BRIP1: variants seen among roughly 807,000 people sequenced by gnomAD.
The protein encoded by BRIP1 is BRCA1 interacting DNA helicase 1.
Under a neutral mutation model 119.7 loss-of-function variants are expected in BRIP1, and 88 were observed. That is an observed-to-expected ratio of 0.74 (90% CI 0.62 to 0.88). The LOEUF (loss-of-function observed/expected upper bound fraction) is 0.88, where lower values mean the gene tolerates loss of function less well. BRIP1 is among the 40% of genes least tolerant of loss of function. The pLI is 0.00. For synonymous variants in BRIP1, 443 were observed against 496.5 expected, an observed-to-expected ratio of 0.89 and a Z score of 1.43; for missense variants, 1,259 against 1,455.4, an observed-to-expected ratio of 0.87 and a Z score of 2.20.
rs566674578 is a variant in BRIP1, at chr17:61,681,621, C to T, written c.*1675G>A. Reference sequence around the variant, plus strand: ...CCCTTTCAAAACAATGTAAAAATTACCTTCTAATCGAGTATTTGGTATTTA... The same window carrying T: ...CCCTTTCAAAACAATGTAAAAATTATCTTCTAATCGAGTATTTGGTATTTA... On this transcript the variant is annotated 3_prime_UTR_variant, in exon 20 of 20. Transcript: ENST00000259008. This position sits in a 1 kb window ranked among gnomAD's most constrained non-coding sequence, Gnocchi z 5.1. 4 of 199,658 alleles carry T rather than the reference C, an allele frequency of 2.0e-5. No individual in the cohort carries two copies. The highest frequency in any genetic ancestry group is 9.2e-5 in the African/African-American group (4 of 43,546). The allele number at this position is 199,658 out of a possible 1,614,324, so 12.4% of individuals were successfully genotyped here. A position where few individuals can be genotyped will look rare whatever the true frequency, so the allele number is the denominator to read the frequency against.
chr17:61,688,025 T>C (rs1295224170), intron 18 of BRIP1, among the ~76,000 whole-genome samples: 1 of 152,170 alleles, frequency 6.6e-6, no homozygotes, highest in African/African-American at 2.4e-5. Flanking sequence ...GAGGCCCATA[T>C]AGTTTGATGG....
rs2078837163 is a variant in BRIP1, at chr17:61,852,557, A to T, written c.380-3301T>A. The stretch of plus-strand genomic sequence containing the variant: ...GTGGCAGGTGCCTGTAATCCCAGCT[A>T]CTCAGGAGGTTGAAGCAGGAGAATT... On this transcript the variant is annotated intron_variant, in intron 4 of 19. Coordinates refer to ENST00000259008, the MANE Select transcript of BRIP1 (RefSeq NM_032043.3). This position sits in a 1 kb window ranked among gnomAD's most constrained non-coding sequence, Gnocchi z 4.9. Among the ~76,000 whole-genome samples, 1 of 152,130 alleles carries T rather than the reference A, an allele frequency of 6.6e-6. No individual in the cohort carries two copies.
Position 61,681,776 on chromosome 17 carries a change from T to C in BRIP1, c.*1520A>G, listed in dbSNP as rs2061273701. ...CTTAGAGTTGTAACATCAAATGCTA[T>C]AGAAACAGGCTGTAAAAATCTAAAT... On this transcript the variant is annotated 3_prime_UTR_variant, in exon 20 of 20. Transcript: ENST00000259008. This position sits in a 1 kb window ranked among gnomAD's most constrained non-coding sequence, Gnocchi z 5.1. The C allele has an allele frequency of 5.1e-6, 1 of 197,978 alleles. No individual in the cohort carries two copies. Among genetic ancestry groups the C allele is most frequent in the South Asian group, 1.9e-4 (1 of 5,194 alleles). 12.3% of individuals were successfully genotyped at this position (197,978 alleles called of 1,614,324 possible). A position where few individuals can be genotyped will look rare whatever the true frequency, so the allele number is the denominator to read the frequency against.
In BRIP1 at chr17:61,793,692, C is replaced by T. The variant is rs1199869583; in HGVS notation, c.1378G>A (p.Asp460Asn). The T allele has an allele frequency of 6.2e-7, 1 of 1,610,428 alleles. No homozygotes were observed. The highest frequency in any genetic ancestry group is 1.7e-5 in the Admixed American group (1 of 59,750). ...EANAEYLVER[D>N]YESACKIWSG... Reference sequence around the variant, plus strand: ...CATATTTTACAAGCTGATTCATAATCTCTTTCTACAAGATATTCAGCGTTT... The same window carrying T: ...CATATTTTACAAGCTGATTCATAATTTCTTTCTACAAGATATTCAGCGTTT... The change falls in exon 10 of 20, where the codon GAT becomes AAT. Residue 460 changes from aspartate to asparagine, a missense_variant. Asp to Asn is a conservative substitution (Grantham distance 23). Transcript: ENST00000259008. The surrounding 1 kb of genome is among the most constrained non-coding windows in gnomAD (Gnocchi z 5.2).
chr17:61,859,762 G>T, intron 3 of BRIP1, 34 bp downstream of exon 3: 2 of 1,358,154 alleles, frequency 1.5e-6, no homozygotes, highest in Non-Finnish European at 2.1e-6. Context: ...TCAGATCCCA[G>T]TAAGTAACCT....
chr17:61,754,701 G>A lies in BRIP1; in HGVS notation c.2098-10110C>T, dbSNP rs2077176671. On this transcript the variant is annotated intron_variant, in intron 14 of 19. Transcript: ENST00000259008. This position sits in a 1 kb window ranked among gnomAD's most constrained non-coding sequence, Gnocchi z 4.1. ...TGGCTATGAAGTCCAAGATAAAGGT[G>A]CCTGTTAACTTGATTTCTGGTTAGG... 6.6e-6 allele frequency among the ~76,000 whole-genome samples: 1 copy of A among 152,158 alleles called. No homozygotes were observed. The highest frequency in any genetic ancestry group is 2.1e-4 in the South Asian group (1 of 4,822).
chr17:61,764,175 C>G (rs1191856627), intron 14 of BRIP1, among the ~76,000 whole-genome samples: 8 of 152,256 alleles, frequency 5.3e-5, no homozygotes, highest in Admixed American at 3.9e-4. Flanking sequence ...TAAAGTGTGT[C>G]AATTGTGCAT....
intron 14 of BRIP1, among the ~76,000 whole-genome samples, chr17:61,772,820 GAAAAAAAA>G (rs71355193): frequency 1.9e-5 from 1 of 53,540 alleles, no homozygotes; most frequent in African/African-American, 8.1e-5. Context: ...TTCCATCTCA[GAAAAAAAA>G]AAAAAAAAAA....
At position 61,847,162 on chromosome 17, in the gene BRIP1, G is replaced by C. The variant is rs1555615763; in HGVS notation, c.566C>G (p.Ser189Ter). Residue 189 changes from serine (S) to a stop codon, truncating the protein, a stop_gained, in exon 6 of 20, where the codon TCA becomes TGA. Coordinates refer to ENST00000259008, the MANE Select transcript of BRIP1 (RefSeq NM_032043.3). LOFTEE classifies it high-confidence loss of function. ...EVHNLDAKVD[S>*]GKTVKLNSPL... ...AGAGTTGAGTTTTACAGTCTTTCCT[G>C]AATCAACTTTTGCATCCAAATTGTG... 6.2e-7 allele frequency: 1 copy of C among 1,613,486 alleles called. No homozygotes were observed. Among genetic ancestry groups the C allele is most frequent in the Non-Finnish European group, 8.5e-7 (1 of 1,179,538 alleles).
chr17:61,752,909 G>A lies in BRIP1; in HGVS notation c.2098-8318C>T, dbSNP rs907845011. ...GTAGGTATATGATTAGCCCAAATAT[G>A]ATTACAGTACCTGCTATGTTTTGAA... On this transcript the variant is annotated intron_variant, in intron 14 of 19. Coordinates refer to ENST00000259008, the MANE Select transcript of BRIP1 (RefSeq NM_032043.3). This position sits in a 1 kb window ranked among gnomAD's most constrained non-coding sequence, Gnocchi z 6.2. 3.9e-5 allele frequency among the ~76,000 whole-genome samples: 6 copies of A among 152,136 alleles called. No individual in the cohort carries two copies. Among genetic ancestry groups the A allele is most frequent in the African/African-American group, 1.4e-4 (6 of 41,426 alleles).
rs776599258 is a variant in BRIP1, at chr17:61,683,576, C to G, written c.3470G>C (p.Arg1157Thr). Residue 1157 changes from arginine (R) to threonine (T), a missense_variant, in exon 20 of 20, where the codon AGA (arginine) becomes ACA (threonine). Arg to Thr is a moderately conservative substitution (Grantham distance 71). This residue lies in a region of BRIP1 where 753 missense variants were observed against 891.8 expected (regional missense o/e 0.84). Transcript: ENST00000259008. The surrounding 1 kb of genome is among the most constrained non-coding windows in gnomAD (Gnocchi z 4.7). The part of the protein sequence containing the change: ...NDLAETDRGN[R>T]LANNSDCILA... ...AATGCAATCTGAATTGTTAGCCAAT[C>G]TATTTCCTCTATCAGTTTCAGCTAG... is the stretch of plus-strand genomic sequence containing the variant. 6.2e-7 allele frequency: 1 copy of G among 1,612,612 alleles called. No homozygotes were observed. Among genetic ancestry groups the G allele is most frequent in the Non-Finnish European group, 8.5e-7 (1 of 1,179,966 alleles).
intron 17 of BRIP1, among the ~76,000 whole-genome samples, chr17:61,697,000 A>T (rs1750652922): frequency 6.7e-6 from 1 of 148,658 alleles, no homozygotes; most frequent in Non-Finnish European, 1.5e-5. Context: ...AAAAAAAAAA[A>T]AAAGGGGGGG....
rs1052148620 is a variant in BRIP1 at position 61,861,045 on chromosome 17, T to A, written c.93+402A>T. ...ACCAGTAAATAAGATATGAAGTACATATGGCAAAATAGCTGTAACAAAACT... is the reference window on the plus strand; with the variant it reads ...ACCAGTAAATAAGATATGAAGTACAAATGGCAAAATAGCTGTAACAAAACT... On this transcript the variant is annotated intron_variant, in intron 2 of 19. Transcript: ENST00000259008. This position sits in a 1 kb window ranked among gnomAD's most constrained non-coding sequence, Gnocchi z 4.5. Among the ~76,000 whole-genome samples the A allele has an allele frequency of 1.3e-5, 2 of 152,174 alleles. No individual in the cohort carries two copies. Among genetic ancestry groups the A allele is most frequent in the Non-Finnish European group, 2.9e-5 (2 of 68,024 alleles).
Position 61,784,309 on chromosome 17 carries a change from A to G in BRIP1, c.1589T>C (p.Leu530Pro), listed in dbSNP as rs1603336923. Reference protein sequence around the residue: ...SASTQIMLKGLFMVLDYLFRQ... With the variant: ...SASTQIMLKGPFMVLDYLFRQ... ...AAAAAGATAGTCAAGTACCATAAAA[A>G]GTCCTTTAAGCATTATTTGAGTTGA... The change falls in exon 11 of 20, where the codon CTT (leucine) becomes CCT (proline). Residue 530 changes from leucine (L) to proline (P), a missense_variant. By Grantham distance (98) the Leu-to-Pro change is moderately conservative. Around this residue, in one of 3 missense-constraint regions of BRIP1, gnomAD observed 753 missense variants for 891.8 expected, o/e 0.84. Coordinates refer to ENST00000259008, the MANE Select transcript of BRIP1 (RefSeq NM_032043.3). 6.2e-7 allele frequency: 1 copy of G among 1,613,398 alleles called. No homozygotes were observed. The highest frequency in any genetic ancestry group is 8.5e-7 in the Non-Finnish European group (1 of 1,179,480).
rs2061317060 is a variant in BRIP1, at chr17:61,683,859, A to G, written c.3187T>C (p.Ser1063Pro). Reference sequence around the variant, plus strand: ...TCTGATTGAGGGCATGATCCAAACGATGTGTTTACTGTCAGATTTGAGGAT... The same window carrying G: ...TCTGATTGAGGGCATGATCCAAACGGTGTGTTTACTGTCAGATTTGAGGAT... ...CESSNLTVNT[S>P]FGSCPQSETI... The change falls in exon 20 of 20, where the codon TCG (serine) becomes CCG (proline). Residue 1063 changes from serine (S) to proline (P), a missense_variant. Coordinates refer to ENST00000259008, the MANE Select transcript of BRIP1 (RefSeq NM_032043.3). The surrounding 1 kb of genome is among the most constrained non-coding windows in gnomAD (Gnocchi z 4.7). The G allele has an allele frequency of 6.2e-7, 1 of 1,614,046 alleles. No homozygotes were observed. The highest frequency in any genetic ancestry group is 1.7e-5 in the Admixed American group (1 of 60,006).
At chr17:61,782,892 A>G (rs1156853735) in intron 11 of BRIP1, among the ~76,000 whole-genome samples, 1 of 152,252 alleles carries the variant, frequency 6.6e-6, no homozygotes, top group African/African-American at 2.4e-5. Context: ...ATGCTGCTAC[A>G]TAAACTGTTG....
In BRIP1 at chr17:61,843,824, A is replaced by G. The variant is rs1903330658; in HGVS notation, c.627+3277T>C. 6.6e-6 allele frequency among the ~76,000 whole-genome samples: 1 copy of G among 152,174 alleles called. No homozygotes were observed. The highest frequency in any genetic ancestry group is 1.5e-5 in the Non-Finnish European group (1 of 68,030). Reference sequence around the variant, plus strand: ...TATTGCTTTATAACAATTCAAACAGACTATCACAGCTTGGCTGTAGTAATA... The same window carrying G: ...TATTGCTTTATAACAATTCAAACAGGCTATCACAGCTTGGCTGTAGTAATA... On this transcript the variant is annotated intron_variant, in intron 6 of 19. Coordinates refer to ENST00000259008, the MANE Select transcript of BRIP1 (RefSeq NM_032043.3). The surrounding 1 kb of genome is among the most constrained non-coding windows in gnomAD (Gnocchi z 5.7).
rs929188684 is a variant in BRIP1, at chr17:61,758,989, C to T, written c.2098-14398G>A. Reference sequence around the variant, plus strand: ...CACCCCTGCACTCTGACCTGGGTGACAGAGCAAGACCCTGTCATAAATAAA... The same window carrying T: ...CACCCCTGCACTCTGACCTGGGTGATAGAGCAAGACCCTGTCATAAATAAA... On this transcript the variant is annotated intron_variant, in intron 14 of 19. Coordinates refer to ENST00000259008, the MANE Select transcript of BRIP1 (RefSeq NM_032043.3). The surrounding 1 kb of genome is among the most constrained non-coding windows in gnomAD (Gnocchi z 5.3). Among the ~76,000 whole-genome samples, 10 of 147,568 alleles carry T rather than the reference C, an allele frequency of 6.8e-5. No homozygotes were observed. The East Asian group carries it at 2.0e-3, about 29-fold the overall frequency.
In BRIP1 at chr17:61,808,380, C is replaced by T; in HGVS notation, c.918+87G>A. On this transcript the variant is annotated intron_variant, in intron 7 of 19. Transcript: ENST00000259008. This position sits in a 1 kb window ranked among gnomAD's most constrained non-coding sequence, Gnocchi z 4.1. Reference sequence around the variant, plus strand: ...AATTTGATTTTCCGAAGTTGATTATCACTAAAATGTACATATAAAACACAT... The same window carrying T: ...AATTTGATTTTCCGAAGTTGATTATTACTAAAATGTACATATAAAACACAT... The T allele has an allele frequency of 3.7e-6, 5 of 1,368,876 alleles. No individual in the cohort carries two copies. The highest frequency in any genetic ancestry group is 5.2e-6 in the Non-Finnish European group (5 of 970,694). 84.8% of individuals were successfully genotyped at this position (1,368,876 alleles called of 1,614,324 possible). A position where few individuals can be genotyped will look rare whatever the true frequency, so the allele number is the denominator to read the frequency against.
Sources: allele counts gnomAD v4.1 joint callset (sites outside exome capture counted in the v4.1 genomes callset), GRCh38; gene constraint gnomAD v4.1.1; regional missense constraint gnomAD v4.1.1; non-coding constraint Gnocchi (gnomAD v3.1); transcripts MANE v1.5; gene names NCBI Gene and HGNC (gene_info 2026-07-23, HGNC 2026-07-21).